Variants in FRYL observed in about 807,000 individuals in gnomAD.
FRYL encodes the protein protein furry homolog-like.
Under a neutral mutation model 351.2 loss-of-function variants are expected in FRYL, and 150 were observed. The ratio of observed to expected loss-of-function variants is 0.43; its 90% CI spans 0.37 to 0.49. The LOEUF (loss-of-function observed/expected upper bound fraction) is 0.49. Ranked by LOEUF, FRYL falls within the 20% of genes least tolerant of loss-of-function variation. The pLI is 0.00. For synonymous variants in FRYL, 1,153 were observed against 1,257.1 expected (o/e 0.92, Z 1.75); for missense variants, 3,036 against 3,619.3 (o/e 0.84, Z 4.13).
At position 48,515,197 on chromosome 4, in the gene FRYL, C is replaced by G; in HGVS notation, c.7768G>C (p.Glu2590Gln). 1 of 1,613,724 alleles carries G rather than the reference C, an allele frequency of 6.2e-7. No individual in the cohort carries two copies. The highest frequency in any genetic ancestry group is 8.5e-7 in the Non-Finnish European group (1 of 1,179,690). Residue 2590 changes from glutamate to glutamine, a missense_variant, in exon 56 of 64, where the codon GAA (glutamate) becomes CAA (glutamine). This residue lies in a region of FRYL where 1,987 missense variants were observed against 2,311.7 expected (regional missense o/e 0.86). Transcript: ENST00000358350. ...AGAATTCCTTGACACACAAGAGATT[C>G]CTGCTGTTCTTGAATTATATAGGAT... Reference protein sequence around the residue: ...EGSYIIQEQQESLVCQGILDL... With the variant: ...EGSYIIQEQQQSLVCQGILDL...
rs373624576 is a variant in FRYL, at chr4:48,584,223, T to G, written c.1749-1489A>C. ...ACTACAAAGACAAATGTATCAGAGT[T>G]AGAAATAGTCTGAATGAATAAGGTA... is the stretch of plus-strand genomic sequence containing the variant. On this transcript the variant is annotated intron_variant, in intron 19 of 63. Coordinates refer to ENST00000358350, the MANE Select transcript of FRYL (RefSeq NM_015030.2). Among the ~76,000 whole-genome samples, 220 of 152,342 alleles carry G rather than the reference T, an allele frequency of 1.4e-3. 5 individuals carry two copies. In the South Asian group the frequency reaches 0.043, roughly 30 times the overall value.
chr4:48,673,332 A>G (rs1277663684), intron 3 of FRYL, among the ~76,000 whole-genome samples: 1 of 152,012 alleles, frequency 6.6e-6, no homozygotes, highest in African/African-American at 2.4e-5. Flanking sequence ...AAGCACCAAA[A>G]AAGTACATGT....
At chr4:48,545,898 C>A (rs757422805) in intron 42 of FRYL, among the ~76,000 whole-genome samples, 169 bp downstream of exon 42, 47 of 152,158 alleles carry the variant, frequency 3.1e-4, no homozygotes, top group Non-Finnish European at 6.5e-4. Flanking sequence ...TGCACTGGCA[C>A]AAAAGAGTCT....
chr4:48,528,723 T>C (rs975977135), intron 50 of FRYL, among the ~76,000 whole-genome samples: 1 of 152,132 alleles, frequency 6.6e-6, no homozygotes, highest in Non-Finnish European at 1.5e-5. Context: ...TCAGACTTAA[T>C]ATTTGTTAAA....
chr4:48,701,682 A>G (rs1309344500), intron 2 of FRYL, among the ~76,000 whole-genome samples: 1 of 152,252 alleles, frequency 6.6e-6, no homozygotes, highest in Non-Finnish European at 1.5e-5. Flanking sequence ...CAATAGACAG[A>G]CTATTACATT....
chr4:48,586,813 T>G (rs1345179639), intron 18 of FRYL, 85 bp from the exon 19 acceptor site: 3 of 843,232 alleles, frequency 3.6e-6, no homozygotes, highest in Non-Finnish European at 5.6e-6. Flanking sequence ...CTACAGAAAG[T>G]GCGAGTCCTC....
intron 23 of FRYL, among the ~76,000 whole-genome samples, chr4:48,578,617 G>A (rs1183441144): frequency 6.6e-6 from 1 of 152,124 alleles, no homozygotes; most frequent in East Asian, 1.9e-4. Flanking sequence ...GCTGAGTTTC[G>A]CTCTGCTTCT....
intron 2 of FRYL, among the ~76,000 whole-genome samples, chr4:48,709,568 T>C (rs1340728478): frequency 6.6e-6 from 1 of 152,148 alleles, no homozygotes; most frequent in Non-Finnish European, 1.5e-5. Flanking sequence ...CTCTATCAGA[T>C]AGGTTAGGGA....
chr4:48,562,572 A>G (rs1735764852), intron 32 of FRYL, among the ~76,000 whole-genome samples: 2 of 152,236 alleles, frequency 1.3e-5, no homozygotes, highest in South Asian at 4.1e-4. Flanking sequence ...AAAAATTTGG[A>G]CACACATTGT....
chr4:48,520,380 A>G (rs1311654656), intron 55 of FRYL: 1 of 152,204 alleles, frequency 6.6e-6, no homozygotes. Context: ...ATTAGATCTA[A>G]TAACTACATT....
intron 59 of FRYL, 146 bp from the exon 60 acceptor site, chr4:48,505,761 C>G (rs1720773054): frequency 1.8e-6 from 1 of 553,840 alleles, no homozygotes; most frequent in Non-Finnish European, 3.2e-6. Flanking sequence ...CAAGCCAAAT[C>G]AATCATTTAT....
chr4:48,773,482 T>C (rs1209465224), intron 1 of FRYL, among the ~76,000 whole-genome samples: 1 of 152,150 alleles, frequency 6.6e-6, no homozygotes, highest in African/African-American at 2.4e-5. Flanking sequence ...TCTGCAGAAC[T>C]CGAAACCTAA....
intron 40 of FRYL, among the ~76,000 whole-genome samples, chr4:48,548,426 G>A (rs979044837): frequency 3.3e-5 from 5 of 152,008 alleles, no homozygotes; most frequent in Admixed American, 2.6e-4. Context: ...TTTTTCCTTG[G>A]TATAGTATAT....
intron 10 of FRYL, among the ~76,000 whole-genome samples, 193 bp from the exon 11 acceptor site, chr4:48,606,026 C>T (rs897848150): frequency 6.7e-5 from 9 of 134,988 alleles, no homozygotes; most frequent in East Asian, 2.4e-4. Flanking sequence ...GAGGCTGAGG[C>T]GGGCAGATCA....
intron 11 of FRYL, among the ~76,000 whole-genome samples, chr4:48,604,917 A>AG (rs1230454028): frequency 1.3e-5 from 2 of 152,144 alleles, no homozygotes; most frequent in African/African-American, 2.4e-5. Context: ...GCCATCTGGG[A>AG]GAAAAAAAAA....
intron 1 of FRYL, among the ~76,000 whole-genome samples, chr4:48,743,453 A>C (rs551363350): frequency 1.3e-5 from 2 of 152,328 alleles, no homozygotes; most frequent in East Asian, 3.9e-4. Context: ...CTTGTTTAAC[A>C]GATAGGGAAA....
rs1182268257 is a variant in FRYL, at chr4:48,512,484, A to G, written c.8142T>C (p.Phe2714=). The G allele has an allele frequency of 6.2e-7, 1 of 1,611,122 alleles. No individual in the cohort carries two copies. The highest frequency in any genetic ancestry group is 1.7e-5 in the Admixed American group (1 of 59,984). ...AGAAACCCTGAACCTCACTGACCTG[A>G]AACAGCCTAGAAAACACATGAAAAG... ...VFTFHVFSRL[F]QTIQRKFGEI... The change falls in exon 57 of 64, where the codon TTT becomes TTC. Residue 2714 remains phenylalanine (F), a synonymous_variant. Transcript: ENST00000358350.
In FRYL at chr4:48,582,428, G is replaced by A. The variant is rs907892690; in HGVS notation, c.1986+69C>T. On this transcript the variant is annotated intron_variant, in intron 20 of 63. Coordinates refer to ENST00000358350, the MANE Select transcript of FRYL (RefSeq NM_015030.2). ...TTTTAGTGTTTGATAAAGTAAATCT[G>A]TATTAAAACCATTATTGGTCATTTA... 32 of 935,568 alleles carry A rather than the reference G, an allele frequency of 3.4e-5. No individual in the cohort carries two copies. In the African/African-American group the frequency reaches 4.1e-4, roughly 12 times the overall value. The allele number at this position is 935,568 out of a possible 1,614,324, so 58.0% of individuals were successfully genotyped here.
At chr4:48,541,096 C>G (rs1473444001) in intron 45 of FRYL, 136 bp from the exon 46 acceptor site, 3 of 801,236 alleles carry the variant, frequency 3.7e-6, no homozygotes, top group Non-Finnish European at 5.5e-6. Context: ...TTTGTTGAAT[C>G]AAATTTCAGT....
Sources: allele counts gnomAD v4.1 joint callset (sites outside exome capture counted in the v4.1 genomes callset), GRCh38; gene constraint gnomAD v4.1.1; regional missense constraint gnomAD v4.1.1; transcripts MANE v1.5; gene names NCBI Gene and HGNC (gene_info 2026-07-23, HGNC 2026-07-21).